ZNRF1: variants seen among roughly 807,000 people sequenced by gnomAD.
The protein encoded by ZNRF1 is E3 ubiquitin-protein ligase ZNRF1.
Under a neutral mutation model 18.4 loss-of-function variants are expected in ZNRF1, and 3 were observed. That is an observed-to-expected ratio of 0.16 (90% CI 0.07 to 0.42). The LOEUF (loss-of-function observed/expected upper bound fraction) is 0.42. Among genes scored for constraint, ZNRF1 ranks in the 10% least tolerant of loss-of-function variants. The pLI is 0.99. For missense variants in ZNRF1, 310 were observed against 329.8 expected, an observed-to-expected ratio of 0.94 and a Z score of 0.47; for synonymous variants, 157 against 144.2, an observed-to-expected ratio of 1.09 and a Z score of -0.64.
intron 1 of ZNRF1, among the ~76,000 whole-genome samples, chr16:75,006,159 A>G (rs1432590653): frequency 6.6e-6 from 1 of 151,692 alleles, no homozygotes; most frequent in African/African-American, 2.4e-5. Flanking sequence ...AATATTTTAG[A>G]CCTCCATTGA....
intron 1 of ZNRF1, among the ~76,000 whole-genome samples, chr16:75,067,478 G>A (rs2035820492): frequency 6.6e-6 from 1 of 152,116 alleles, no homozygotes; most frequent in Non-Finnish European, 1.5e-5. Flanking sequence ...ATTCTAATTG[G>A]ATTTTTTGAA....
chr16:75,053,937 T>C (rs1485223886), intron 1 of ZNRF1, among the ~76,000 whole-genome samples: 1 of 152,202 alleles, frequency 6.6e-6, no homozygotes, highest in Non-Finnish European at 1.5e-5. Flanking sequence ...TTGTTACATA[T>C]TCCCTTTGGT....
intron 1 of ZNRF1, among the ~76,000 whole-genome samples, chr16:75,070,248 G>A (rs1051003381): frequency 6.6e-6 from 1 of 152,166 alleles, no homozygotes; most frequent in African/African-American, 2.4e-5. Context: ...CAGGGCAGCA[G>A]GGCCGCCTAG....
chr16:75,060,849 C>T (rs949357614), intron 1 of ZNRF1, among the ~76,000 whole-genome samples: 68 of 152,216 alleles, frequency 4.5e-4, no homozygotes, highest in African/African-American at 1.6e-3. Flanking sequence ...CTCTATTTCT[C>T]CCCTGTACTA....
intron 1 of ZNRF1, among the ~76,000 whole-genome samples, chr16:75,050,864 C>CAAAAAAAAAAAAA (rs2035588129): frequency 2.2e-5 from 2 of 90,362 alleles, no homozygotes; most frequent in South Asian, 9.6e-4. Flanking sequence ...GAGCAAGACT[C>CAAAAAAAAAAAAA]CGTCTCAAAA....
chr16:75,001,761 C>T (rs890255019), intron 1 of ZNRF1, among the ~76,000 whole-genome samples: 3 of 152,092 alleles, frequency 2.0e-5, no homozygotes, highest in Admixed American at 1.3e-4. Flanking sequence ...GCTTTTTTTG[C>T]TAAAATTTCT....
intron 1 of ZNRF1, among the ~76,000 whole-genome samples, chr16:75,081,708 A>G (rs1400881251): frequency 6.6e-6 from 1 of 152,194 alleles, no homozygotes; most frequent in Non-Finnish European, 1.5e-5. Flanking sequence ...ATGACTGGGC[A>G]TTTCCTGGCC....
intron 1 of ZNRF1, among the ~76,000 whole-genome samples, chr16:75,054,730 C>G (rs2035647360): frequency 6.6e-6 from 1 of 152,220 alleles, no homozygotes; most frequent in African/African-American, 2.4e-5. Flanking sequence ...TGATTTCTCC[C>G]CTGATACTAA....
chr16:75,073,843 C>G (rs2035904736), intron 1 of ZNRF1, among the ~76,000 whole-genome samples: 1 of 152,024 alleles, frequency 6.6e-6, no homozygotes, highest in African/African-American at 2.4e-5. Context: ...GGAAATATAC[C>G]CAGAAATAGG....
At chr16:75,010,039 G>T in intron 1 of ZNRF1, among the ~76,000 whole-genome samples, 1 of 152,114 alleles carries the variant, frequency 6.6e-6, no homozygotes, top group East Asian at 1.9e-4. Flanking sequence ...CTGAAGTGCA[G>T]TGGTTCAGTC....
chr16:75,084,663 G>C (rs1295243168), intron 1 of ZNRF1: 1 of 152,230 alleles, frequency 6.6e-6, no homozygotes. Context: ...CAAGGATTGA[G>C]AGTGTGCCCC....
At chr16:75,106,778 T>G in intron 4 of ZNRF1, 2 of 529,532 alleles carry the variant, frequency 3.8e-6, no homozygotes, top group East Asian at 3.4e-5. Context: ...TGGACAGTTA[T>G]GAAGAACAGG....
intron 1 of ZNRF1, among the ~76,000 whole-genome samples, chr16:75,004,472 A>G (rs529834925): frequency 6.6e-6 from 1 of 152,250 alleles, no homozygotes; most frequent in East Asian, 1.9e-4. Flanking sequence ...TCTACTATAA[A>G]AGGGCTGGCC....
At position 75,081,897 on chromosome 16, in the gene ZNRF1, C is replaced by T. The variant is rs1295368924; in HGVS notation, c.425-11675C>T. ...TGTTTCCCTGGAGACTTTACATCCA[C>T]ACTTTCTGAGTCATAATTAAATGCC... On this transcript the variant is annotated intron_variant, in intron 1 of 4. Coordinates refer to ENST00000335325, the MANE Select transcript of ZNRF1 (RefSeq NM_032268.5). Among the ~76,000 whole-genome samples the T allele has an allele frequency of 3.3e-5, 5 of 152,240 alleles. No homozygotes were observed. In the South Asian group the frequency reaches 6.2e-4, roughly 19 times the overall value.
At chr16:75,014,732 A>G (rs1238578860) in intron 1 of ZNRF1, among the ~76,000 whole-genome samples, 2 of 152,140 alleles carry the variant, frequency 1.3e-5, no homozygotes, top group African/African-American at 4.8e-5. Context: ...TAAATCCCCA[A>G]TGTGCTTATA....
At chr16:75,036,883 C>T (rs184725909) in intron 1 of ZNRF1, among the ~76,000 whole-genome samples, 9 of 152,078 alleles carry the variant, frequency 5.9e-5, no homozygotes, top group Non-Finnish European at 1.3e-4. Flanking sequence ...AGAGTATATT[C>T]GAGAAGATGC....
intron 1 of ZNRF1, among the ~76,000 whole-genome samples, chr16:75,052,602 A>G (rs2035619878): frequency 6.6e-6 from 1 of 152,100 alleles, no homozygotes; most frequent in Admixed American, 6.6e-5. Flanking sequence ...AGGTGAGACC[A>G]TGTCCTCTGA....
chr16:75,097,071 C>T (rs1276271496), intron 2 of ZNRF1, among the ~76,000 whole-genome samples: 1 of 152,124 alleles, frequency 6.6e-6, no homozygotes, highest in Non-Finnish European at 1.5e-5. Flanking sequence ...GGAGGGGGTT[C>T]GTTGGTTTGT....
rs545194353 is a variant in ZNRF1, at chr16:75,066,313, G to GT, written c.425-27257dup. ...TGTTTTCCCCCAAAATACAAGACTG[G>GT]TTCAACATCAGAGACCCTGTTACAT... On this transcript the variant is annotated intron_variant, in intron 1 of 4. Coordinates refer to ENST00000335325, the MANE Select transcript of ZNRF1 (RefSeq NM_032268.5). Among the ~76,000 whole-genome samples, 524 of 152,234 alleles carry GT rather than the reference G, an allele frequency of 3.4e-3. 4 individuals are homozygous for GT. Among genetic ancestry groups the GT allele is most frequent in the Non-Finnish European group, 5.3e-3 (359 of 68,024 alleles).
Sources: allele counts gnomAD v4.1 joint callset (sites outside exome capture counted in the v4.1 genomes callset), GRCh38; gene constraint gnomAD v4.1.1; transcripts MANE v1.5; gene names NCBI Gene and HGNC (gene_info 2026-07-23, HGNC 2026-07-21).